Variants in EMILIN1 observed in about 807,000 individuals in gnomAD.
EMILIN1 encodes the protein elastin microfibril interfacer 1.
Under a neutral mutation model 82.4 loss-of-function variants are expected in EMILIN1, and 49 were observed. The ratio of observed to expected loss-of-function variants is 0.59; its 90% CI spans 0.47 to 0.75. The LOEUF (loss-of-function observed/expected upper bound fraction) is 0.75. Among genes scored for constraint, EMILIN1 ranks in the 30% least tolerant of loss-of-function variants. The pLI is 0.00. For synonymous variants in EMILIN1, 604 were observed against 602.2 expected (o/e 1.00, Z -0.04); for missense variants, 1,313 against 1,366.4 (o/e 0.96, Z 0.62).
rs1228071392 is a variant in EMILIN1, at chr2:27,083,673, C to T, written c.2102C>T (p.Thr701Ile). ...CAGCAGGAGGCCACAGAGCATGCTA[C>T]AGAGAGTGAAGAGCGCTTCCGAGGC... ...RLQQEATEHA[T>I]ESEERFRGLE... Residue 701 changes from threonine (T) to isoleucine (I), a missense_variant, in exon 4 of 8, where the codon ACA becomes ATA. Physicochemically the swap from Thr to Ile is moderately conservative, Grantham distance 89. Transcript: ENST00000380320. The T allele has an allele frequency of 6.2e-7, 1 of 1,613,836 alleles. No homozygotes were observed. Among genetic ancestry groups the T allele is most frequent in the South Asian group, 1.1e-5 (1 of 91,048 alleles).
rs1180958547 is a variant in EMILIN1, at chr2:27,082,592, G to T, written c.1021G>T (p.Ala341Ser). The change falls in exon 4 of 8, where the codon GCA becomes TCA. Residue 341 changes from alanine to serine, a missense_variant. Coordinates refer to ENST00000380320, the MANE Select transcript of EMILIN1 (RefSeq NM_007046.4). Reference sequence around the variant, plus strand: ...GGTGGAGGAGCGGCAACGGCACCTCGCAGGGCTGGCGGTGGGCCGCAGGCC... The same window carrying T: ...GGTGGAGGAGCGGCAACGGCACCTCTCAGGGCTGGCGGTGGGCCGCAGGCC... ...ASVEERQRHLAGLAVGRRPPQ... is the reference protein window; with the variant it reads ...ASVEERQRHLSGLAVGRRPPQ... 2 of 1,542,874 alleles carry T rather than the reference G, an allele frequency of 1.3e-6. No homozygotes were observed. Among genetic ancestry groups the T allele is most frequent in the East Asian group, 2.4e-5 (1 of 40,884 alleles).
rs867602730 is a variant in EMILIN1, at chr2:27,082,670, C to T, written c.1099C>T (p.Arg367Cys). The T allele has an allele frequency of 1.9e-6, 3 of 1,553,922 alleles. No homozygotes were observed. Among genetic ancestry groups the T allele is most frequent in the South Asian group, 1.2e-5 (1 of 85,282 alleles). ...GGGCCGGCGACTGGCAGAGCTGGAG[C>T]GCAGGCTGGATGTCGTGGCCGGCTC... ...ELGRRLAELE[R>C]RLDVVAGSVT... The change falls in exon 4 of 8, where the codon CGC (arginine) becomes TGC (cysteine). Residue 367 changes from arginine to cysteine, a missense_variant. Transcript: ENST00000380320.
Position 27,083,620 on chromosome 2 carries a change from C to T in EMILIN1, c.2049C>T (p.Asp683=). The T allele has an allele frequency of 6.2e-7, 1 of 1,612,796 alleles. No individual in the cohort carries two copies. Among genetic ancestry groups the T allele is most frequent in the Non-Finnish European group, 8.5e-7 (1 of 1,179,000 alleles). ...TGGCTGACCTGGGGGCAACCAAGGA[C>T]CGTATCATTTCTGAGATTAACAGGC... The part of the protein sequence containing the change: ...ADLADLGATK[D]RIISEINRLQ... The change falls in exon 4 of 8, where the codon GAC becomes GAT. Residue 683 remains aspartate, a synonymous_variant. Transcript: ENST00000380320.
intron 4 of EMILIN1, among the ~76,000 whole-genome samples, 184 bp downstream of exon 4, chr2:27,084,195 C>A (rs1284724105): frequency 6.6e-6 from 1 of 152,170 alleles, no homozygotes; most frequent in Non-Finnish European, 1.5e-5. Flanking sequence ...TAGCTCCCGC[C>A]CTCCCTCTGG....
intron 3 of EMILIN1, among the ~76,000 whole-genome samples, 167 bp downstream of exon 3, chr2:27,081,119 G>A (rs1267975639): frequency 2.0e-5 from 3 of 148,214 alleles, no homozygotes; most frequent in African/African-American, 7.5e-5. Flanking sequence ...GTGTGTGTGT[G>A]TGTGTGTGTG....
chr2:27,080,618 ACC>A, intron 2 of EMILIN1, 112 bp from the exon 3 acceptor site: 1 of 871,156 alleles, frequency 1.1e-6, no homozygotes, highest in Non-Finnish European at 1.7e-6. Flanking sequence ...AGTAAGAGGG[ACC>A]CAGCCTGAGG....
chr2:27,083,139 C>A lies in EMILIN1; in HGVS notation c.1568C>A (p.Ala523Glu). The change falls in exon 4 of 8, where the codon GCA (alanine) becomes GAA (glutamate). Residue 523 changes from alanine (A) to glutamate (E), a missense_variant. Coordinates refer to ENST00000380320, the MANE Select transcript of EMILIN1 (RefSeq NM_007046.4). ...GGCTCCGGCCTGCACACGGTGGAAGCAGCGGGGGAGGCCCGGCAGGCCACG... is the reference window on the plus strand; with the variant it reads ...GGCTCCGGCCTGCACACGGTGGAAGAAGCGGGGGAGGCCCGGCAGGCCACG... Reference protein sequence around the residue: ...LVGSGLHTVEAAGEARQATLE... With the variant: ...LVGSGLHTVEEAGEARQATLE... 2 of 1,591,432 alleles carry A rather than the reference C, an allele frequency of 1.3e-6. No homozygotes were observed. The highest frequency in any genetic ancestry group is 1.7e-6 in the Non-Finnish European group (2 of 1,167,716).
Position 27,083,144 on chromosome 2 carries a change from G to A in EMILIN1, c.1573G>A (p.Gly525Arg), listed in dbSNP as rs1381011102. The A allele has an allele frequency of 1.3e-6, 2 of 1,596,570 alleles. No individual in the cohort carries two copies. The highest frequency in any genetic ancestry group is 1.7e-6 in the Non-Finnish European group (2 of 1,170,324). The change falls in exon 4 of 8, where the codon GGG becomes AGG. Residue 525 changes from glycine to arginine, a missense_variant. Coordinates refer to ENST00000380320, the MANE Select transcript of EMILIN1 (RefSeq NM_007046.4). ...CGGCCTGCACACGGTGGAAGCAGCG[G>A]GGGAGGCCCGGCAGGCCACGCTGGA... ...GSGLHTVEAAGEARQATLEGL... is the reference protein window; with the variant it reads ...GSGLHTVEAAREARQATLEGL...
At position 27,083,153 on chromosome 2, in the gene EMILIN1, C is replaced by T. The variant is rs752561430; in HGVS notation, c.1582C>T (p.Arg528Trp). Residue 528 changes from arginine to tryptophan, a missense_variant, in exon 4 of 8, where the codon CGG (arginine) becomes TGG (tryptophan). Transcript: ENST00000380320. ...CACGGTGGAAGCAGCGGGGGAGGCC[C>T]GGCAGGCCACGCTGGAGGGATTACA... ...LHTVEAAGEA[R>W]QATLEGLQEV... 39 of 1,600,016 alleles carry T rather than the reference C, an allele frequency of 2.4e-5. No individual in the cohort carries two copies. The East Asian group carries it at 4.9e-4, about 20-fold the overall frequency.
chr2:27,079,508 C>T (rs1455529572), intron 1 of EMILIN1, among the ~76,000 whole-genome samples: 1 of 152,166 alleles, frequency 6.6e-6, no homozygotes, highest in Non-Finnish European at 1.5e-5. Context: ...TGCCAGCTGC[C>T]CTCTGTATCC....
intron 6 of EMILIN1, 55 bp from the exon 7 acceptor site, chr2:27,085,105 G>C (rs1240337750): frequency 5.0e-6 from 8 of 1,613,486 alleles, no homozygotes; most frequent in Non-Finnish European, 6.8e-6. Context: ...AGCAGGGGAA[G>C]GGGGCTGGCA....
Position 27,084,535 on chromosome 2 carries a change from T to C in EMILIN1, c.2557+4T>C. 2 of 1,582,140 alleles carry C rather than the reference T, an allele frequency of 1.3e-6. No individual in the cohort carries two copies. Among genetic ancestry groups the C allele is most frequent in the Non-Finnish European group, 1.7e-6 (2 of 1,151,604 alleles). ...GAGGGCCCCATCGGGCCACCAGGTA[T>C]GTGCACTGAGACCCTTGCTGCAGTC... is the stretch of plus-strand genomic sequence containing the variant. On this transcript the variant is annotated splice_donor_region_variant and intron_variant, in intron 5 of 7. Transcript: ENST00000380320.
In EMILIN1 at chr2:27,080,166, C is replaced by T. The variant is rs373206233; in HGVS notation, c.186C>T (p.Tyr62=). Residue 62 remains tyrosine (Y), a synonymous_variant, in exon 2 of 8, where the codon TAC becomes TAT. Transcript: ENST00000380320. The part of the protein sequence containing the change: ...PASRHRNWCA[Y]VVTRTVSCVL... ...GTACCTACAGGAACTGGTGTGCCTA[C>T]GTGGTGACCCGGACAGTGAGCTGTG... The T allele has an allele frequency of 2.7e-4, 438 of 1,614,040 alleles. No individual in the cohort carries two copies. The highest frequency in any genetic ancestry group is 6.0e-4 in the Admixed American group (36 of 60,022).
rs765970898 is a variant in EMILIN1 at position 27,085,734 on chromosome 2, C to A, written c.2770C>A (p.His924Asn). The A allele has an allele frequency of 3.5e-5, 57 of 1,610,302 alleles. No homozygotes were observed. Among genetic ancestry groups the A allele is most frequent in the Non-Finnish European group, 4.5e-5 (53 of 1,177,908 alleles). The stretch of plus-strand genomic sequence containing the variant: ...CTTGCTGAGCGCGGTGCTGACTGGG[C>A]ACCGGCACGAGAAAGTGGAGGCCGT... ...RYLLSAVLTG[H>N]RHEKVEAVLS... The change falls in exon 8 of 8, where the codon CAC becomes AAC. Residue 924 changes from histidine to asparagine, a missense_variant. By Grantham distance (68) the His-to-Asn change is moderately conservative. Transcript: ENST00000380320.
At position 27,082,956 on chromosome 2, in the gene EMILIN1, G is replaced by C. The variant is rs201663523; in HGVS notation, c.1385G>C (p.Gly462Ala). ...GCCAATGTGAGCGGGGAGCTGGGGG[G>C]GCGGTTGGATCTGTTGGAGGAGCAG... ...LLANVSGELG[G>A]RLDLLEEQVA... Residue 462 changes from glycine (G) to alanine (A), a missense_variant, in exon 4 of 8, where the codon GGG (glycine) becomes GCG (alanine). Coordinates refer to ENST00000380320, the MANE Select transcript of EMILIN1 (RefSeq NM_007046.4). The C allele has an allele frequency of 2.1e-4, 328 of 1,582,672 alleles. No individual in the cohort carries two copies. In the African/African-American group the frequency reaches 4.0e-3, roughly 19 times the overall value.
chr2:27,082,383 G>C lies in EMILIN1; in HGVS notation c.812G>C (p.Ser271Thr), dbSNP rs748113935. 1 of 1,610,494 alleles carries C rather than the reference G, an allele frequency of 6.2e-7. No individual in the cohort carries two copies. The highest frequency in any genetic ancestry group is 2.2e-5 in the East Asian group (1 of 44,852). ...LNNHHGGSSS[S>T]GGSRAPAPAS... is the part of the protein sequence containing the mutation. ...AACCATCATGGCGGCAGCAGCAGCA[G>C]TGGGGGCAGCAGGGCCCCAGCCCCA... Residue 271 changes from serine to threonine, a missense_variant, in exon 4 of 8, where the codon AGT becomes ACT. Ser to Thr is a moderately conservative substitution (Grantham distance 58). Coordinates refer to ENST00000380320, the MANE Select transcript of EMILIN1 (RefSeq NM_007046.4).
rs1207824757 is a variant in EMILIN1, at chr2:27,083,509, GCTCT to G, written c.1941_1944del (p.Ser648ArgfsTer13). On this transcript the variant is annotated frameshift_variant, in exon 4 of 8. Coordinates refer to ENST00000380320, the MANE Select transcript of EMILIN1 (RefSeq NM_007046.4). LOFTEE classifies it high-confidence loss of function. Reference sequence around the variant, plus strand: ...CAGCCCTGCAGGCCCTGCAAGGAGAGCTCTCTGAGGTTATTCTCAGCTTCAGCTC... The same window carrying G: ...CAGCCCTGCAGGCCCTGCAAGGAGAGCTGAGGTTATTCTCAGCTTCAGCTC... 6.2e-7 allele frequency: 1 copy of G among 1,613,822 alleles called. No individual in the cohort carries two copies. The highest frequency in any genetic ancestry group is 2.2e-5 in the East Asian group (1 of 44,894).
At position 27,085,291 on chromosome 2, in the gene EMILIN1, G is replaced by A. The variant is rs36045790; in HGVS notation, c.2707G>A (p.Glu903Lys). The A allele has an allele frequency of 0.026, 41,530 of 1,614,014 alleles. 641 individuals carry two copies. The highest frequency in any genetic ancestry group is 0.031 in the Non-Finnish European group (36,429 of 1,180,020). The stretch of plus-strand genomic sequence containing the variant: ...CAATGATGGAGGCTATTATGATCCA[G>A]AGACAGGTAGTCCTGGGAGGGGCTG... ...LLNDGGYYDP[E>K]TGVFTAPLAG... is the part of the protein sequence containing the mutation. Residue 903 changes from glutamate (E) to lysine (K), a missense_variant, in exon 7 of 8, where the codon GAG becomes AAG. Physicochemically the swap from Glu to Lys is moderately conservative, Grantham distance 56. Transcript: ENST00000380320.
Position 27,083,278 on chromosome 2 carries a change from A to T in EMILIN1, c.1707A>T (p.Gln569His). The T allele has an allele frequency of 6.2e-7, 1 of 1,612,914 alleles. No individual in the cohort carries two copies. The highest frequency in any genetic ancestry group is 8.5e-7 in the Non-Finnish European group (1 of 1,179,596). ...ATCTCACTGCGGCCCGGCTAGGCCA[A>T]CTGGAGGGGCTGCTGCAGGCCCATG... ...RLNLTAARLG[Q>H]LEGLLQAHGD... The change falls in exon 4 of 8, where the codon CAA (glutamine) becomes CAT (histidine). Residue 569 changes from glutamine to histidine, a missense_variant. Coordinates refer to ENST00000380320, the MANE Select transcript of EMILIN1 (RefSeq NM_007046.4).
Sources: gnomAD v4.1 joint callset for allele counts (sites outside exome capture counted in the v4.1 genomes callset) on GRCh38, gnomAD v4.1.1 for gene constraint, MANE v1.5 for transcripts, NCBI Gene and HGNC (gene_info 2026-07-23, HGNC 2026-07-21) for gene names.